Variants in WWOX observed in about 807,000 individuals in gnomAD.
WWOX encodes the protein WW domain-containing oxidoreductase.
In WWOX, 69 loss-of-function variants were observed where a neutral mutation model predicts 46.2. That is an observed-to-expected ratio of 1.49 (90% confidence interval 1.23 to 1.82). The LOEUF (loss-of-function observed/expected upper bound fraction) is 1.82. WWOX is among the 40% of genes most tolerant of loss of function. The probability of loss-of-function intolerance (pLI) is 0.00; values close to 1 mark genes in which losing one functional copy is unlikely to be tolerated. For synonymous variants in WWOX, 359 were observed against 202.6 expected, an observed-to-expected ratio of 1.77 and a Z score of -6.56; for missense variants, 919 against 542.6, an observed-to-expected ratio of 1.69 and a Z score of -6.89.
intron 8 of WWOX, among the ~76,000 whole-genome samples, chr16:79,117,760 G>T (rs867246969): frequency 6.6e-6 from 1 of 152,186 alleles, no homozygotes; most frequent in South Asian, 2.1e-4. Flanking sequence ...TTATGGAGAC[G>T]GCTTTCTTCC....
intron 8 of WWOX, among the ~76,000 whole-genome samples, chr16:79,084,555 C>A (rs535367586): frequency 1.3e-5 from 2 of 152,076 alleles, no homozygotes; most frequent in African/African-American, 2.4e-5. Flanking sequence ...GCTGGGACTA[C>A]AGGTGCATGC....
At chr16:78,433,830 C>T (rs935919398) in intron 8 of WWOX, among the ~76,000 whole-genome samples, 2 of 133,370 alleles carry the variant, frequency 1.5e-5, no homozygotes, top group Non-Finnish European at 3.1e-5. Flanking sequence ...CGCTCTGTCG[C>T]CCAGGCTGGA....
At chr16:78,597,041 C>A (rs77752107) in intron 8 of WWOX, among the ~76,000 whole-genome samples, 1 of 152,138 alleles carries the variant, frequency 6.6e-6, no homozygotes, top group South Asian at 2.1e-4. Context: ...CATTGCTGCT[C>A]CCCTACCCTC....
At chr16:78,292,724 A>C (rs1049977708) in intron 5 of WWOX, among the ~76,000 whole-genome samples, 8 of 152,194 alleles carry the variant, frequency 5.3e-5, no homozygotes, top group African/African-American at 1.7e-4. Flanking sequence ...CATTAAGTTT[A>C]AATGTGCTGC....
chr16:79,018,080 G>C (rs564532006), intron 8 of WWOX, among the ~76,000 whole-genome samples: 1 of 152,184 alleles, frequency 6.6e-6, no homozygotes. Flanking sequence ...AGAGTTTCTC[G>C]GACCTATGAG....
chr16:78,132,264 G>A (rs2033630217), intron 4 of WWOX, among the ~76,000 whole-genome samples: 1 of 151,270 alleles, frequency 6.6e-6, no homozygotes, highest in Admixed American at 6.6e-5. Context: ...CTGACCTCGT[G>A]ATCTGCCCAC....
chr16:78,777,174 G>C (rs2050212209), intron 8 of WWOX, among the ~76,000 whole-genome samples: 1 of 55,622 alleles, frequency 1.8e-5, no homozygotes, highest in Admixed American at 1.9e-4. Context: ...TTCAATGGCT[G>C]TATTTCAATG....
At chr16:78,817,464 G>C (rs1032297840) in intron 8 of WWOX, among the ~76,000 whole-genome samples, 6 of 152,202 alleles carry the variant, frequency 3.9e-5, no homozygotes, top group East Asian at 1.9e-4. Flanking sequence ...TATCGGAAGA[G>C]TTGGCTTCTC....
intron 8 of WWOX, among the ~76,000 whole-genome samples, chr16:78,687,737 C>G (rs2047895588): frequency 6.6e-6 from 1 of 152,162 alleles, no homozygotes; most frequent in African/African-American, 2.4e-5. Flanking sequence ...TTATGTTATT[C>G]TAAATTAACA....
intron 8 of WWOX, among the ~76,000 whole-genome samples, chr16:78,765,027 A>G (rs1405635708): frequency 6.6e-6 from 1 of 152,222 alleles, no homozygotes; most frequent in Non-Finnish European, 1.5e-5. Context: ...ACAAGAACCC[A>G]GATCCCTGCC....
intron 8 of WWOX, among the ~76,000 whole-genome samples, chr16:79,129,663 A>G (rs541188622): frequency 1.3e-5 from 2 of 152,142 alleles, no homozygotes; most frequent in African/African-American, 2.4e-5. Flanking sequence ...TTGCATCCCA[A>G]CATTCCTTTA....
At chr16:78,395,171 G>C (rs2082257976) in intron 6 of WWOX, among the ~76,000 whole-genome samples, 1 of 152,138 alleles carries the variant, frequency 6.6e-6, no homozygotes, top group Non-Finnish European at 1.5e-5. Context: ...AATTAAACAG[G>C]AAAAGGGGAT....
Position 78,649,851 on chromosome 16 carries a change from T to C in WWOX, c.1056+217099T>C, listed in dbSNP as rs115727489. ...TTGATGGGCATACAGAGGAATTAAA[T>C]GACCTTGTCTTCCACATATGGTATA... is the stretch of plus-strand genomic sequence containing the variant. On this transcript the variant is annotated intron_variant, in intron 8 of 8. Transcript: ENST00000566780. Among the ~76,000 whole-genome samples the C allele has an allele frequency of 5.0e-4, 76 of 152,344 alleles. No individual in the cohort carries two copies. In the South Asian group the frequency reaches 0.013, roughly 26 times the overall value.
rs372145215 is a variant in WWOX at position 78,626,294 on chromosome 16, C to A, written c.1056+193542C>A. The stretch of plus-strand genomic sequence containing the variant: ...CACAGGCATGCGCCACCACGCTCAG[C>A]TAATTTTTGCAGGATACCACATTTT... On this transcript the variant is annotated intron_variant, in intron 8 of 8. Transcript: ENST00000566780. Among the ~76,000 whole-genome samples, 10 of 152,164 alleles carry A rather than the reference C, an allele frequency of 6.6e-5. No individual in the cohort carries two copies. In the East Asian group the frequency reaches 1.8e-3, roughly 27 times the overall value.
chr16:78,630,553 A>G (rs968785456), intron 8 of WWOX, among the ~76,000 whole-genome samples: 2 of 152,174 alleles, frequency 1.3e-5, no homozygotes, highest in Non-Finnish European at 2.9e-5. Context: ...TTCACAGCTC[A>G]TTTCTGGGGG....
intron 8 of WWOX, among the ~76,000 whole-genome samples, chr16:78,971,977 C>G (rs1048619475): frequency 6.6e-6 from 1 of 152,156 alleles, no homozygotes; most frequent in Admixed American, 6.6e-5. Context: ...GAGCTCTTCC[C>G]AGGCCGAGGT....
At chr16:78,254,681 C>A (rs1461225742) in intron 5 of WWOX, among the ~76,000 whole-genome samples, 2 of 151,694 alleles carry the variant, frequency 1.3e-5, no homozygotes, top group African/African-American at 4.8e-5. Context: ...GCCACTGCCA[C>A]CATGCCTGGC....
intron 8 of WWOX, among the ~76,000 whole-genome samples, chr16:78,605,688 A>T (rs2045739852): frequency 6.6e-6 from 1 of 152,190 alleles, no homozygotes; most frequent in Admixed American, 6.5e-5. Flanking sequence ...TTGGAGGCAT[A>T]GTTCTTTGTC....
chr16:78,242,642 C>G (rs540330721), intron 5 of WWOX, among the ~76,000 whole-genome samples: 2 of 152,268 alleles, frequency 1.3e-5, no homozygotes, highest in East Asian at 3.9e-4. Flanking sequence ...CCCTGCTCTC[C>G]CGAGCCTTCT....
Sources: allele counts gnomAD v4.1 joint callset (sites outside exome capture counted in the v4.1 genomes callset), GRCh38; gene constraint gnomAD v4.1.1; transcripts MANE v1.5; gene names NCBI Gene and HGNC (gene_info 2026-07-23, HGNC 2026-07-21).